The following PBX1 variants were observed in gnomAD, a reference collection of about 807,000 sequenced individuals.
PBX1 encodes the protein PBX homeobox 1, also known as pre-B-cell leukemia transcription factor 1.
Under a neutral mutation model 53.4 loss-of-function variants are expected in PBX1, and 6 were observed. That is an observed-to-expected ratio of 0.11 (90% confidence interval 0.06 to 0.22). PBX1 has a LOEUF of 0.22. PBX1 is among the 10% of genes least tolerant of loss of function. The probability of loss-of-function intolerance (pLI) is 1.00; values close to 1 mark genes in which losing one functional copy is unlikely to be tolerated. For synonymous variants in PBX1, 204 were observed against 212.3 expected, an observed-to-expected ratio of 0.96 and a Z score of 0.34; for missense variants, 251 against 551.4, an observed-to-expected ratio of 0.46 and a Z score of 5.46.
chr1:164,773,976 CCA>C (rs1223462381), intron 2 of PBX1, among the ~76,000 whole-genome samples: 1 of 152,150 alleles, frequency 6.6e-6, no homozygotes, highest in African/African-American at 2.4e-5. Context: ...AACGTGATAT[CCA>C]CTTTGAATTC....
chr1:164,862,553 G>A (rs1039686451), intron 2 of PBX1, among the ~76,000 whole-genome samples: 2 of 152,184 alleles, frequency 1.3e-5, no homozygotes, highest in South Asian at 2.1e-4. Context: ...AGGAGAAGAC[G>A]GAACAACTGC....
At chr1:164,747,950 A>G (rs573659137) in intron 2 of PBX1, among the ~76,000 whole-genome samples, 16 of 152,178 alleles carry the variant, frequency 1.1e-4, no homozygotes, top group Admixed American at 9.8e-4. Context: ...ACAAATCATG[A>G]GTATGCATCA....
chr1:164,849,349 C>T lies in PBX1; in HGVS notation c.*2673C>T, dbSNP rs557904479. ...TCTTCTCTATACCCAGCACCTCCCC[C>T]GGCACCCCCGGCAAGCCCACTATCA... On this transcript the variant is annotated 3_prime_UTR_variant, in exon 9 of 9. Transcript: ENST00000420696. 23 of 1,535,626 alleles carry T rather than the reference C, an allele frequency of 1.5e-5. No individual in the cohort carries two copies. The East Asian group carries it at 2.0e-4, about 13-fold the overall frequency.
chr1:164,670,926 A>C (rs377127858), intron 2 of PBX1, among the ~76,000 whole-genome samples: 27 of 152,294 alleles, frequency 1.8e-4, no homozygotes, highest in Middle Eastern at 3.4e-3. Flanking sequence ...AATGGAGAAA[A>C]TGCAGTTTCT....
At chr1:164,764,696 G>A (rs1216116693) in intron 2 of PBX1, among the ~76,000 whole-genome samples, 1 of 151,950 alleles carries the variant, frequency 6.6e-6, no homozygotes, top group South Asian at 2.1e-4. Flanking sequence ...TCTAGTTATA[G>A]CCCACCTACA....
chr1:164,635,984 G>T (rs1449180799), intron 2 of PBX1, among the ~76,000 whole-genome samples: 1 of 152,042 alleles, frequency 6.6e-6, no homozygotes, highest in Non-Finnish European at 1.5e-5. Flanking sequence ...AGGCTGGCTG[G>T]GTTCCTCCTT....
At chr1:164,852,004 A>G (rs1035967057), downstream of PBX1, among the ~76,000 whole-genome samples, 2 of 152,164 alleles carry the variant, frequency 1.3e-5, no homozygotes, top group Admixed American at 1.3e-4. Flanking sequence ...CTCAGGAAAT[A>G]AGAAGGAAGG....
chr1:164,768,013 T>C (rs1452367939), intron 2 of PBX1, among the ~76,000 whole-genome samples: 4 of 151,724 alleles, frequency 2.6e-5, no homozygotes, highest in Non-Finnish European at 4.4e-5. Flanking sequence ...TTTTTTTTTT[T>C]CCACATCAGT....
chr1:164,837,852 ACCCAAAAC>A (rs1671113867), intron 8 of PBX1, among the ~76,000 whole-genome samples: 1 of 152,210 alleles, frequency 6.6e-6, no homozygotes, highest in South Asian at 2.1e-4. Context: ...AAGCAACTCA[ACCCAAAAC>A]CTGGAAATGC....
intron 2 of PBX1, among the ~76,000 whole-genome samples, chr1:164,701,268 TTTC>T (rs931241922): frequency 2.7e-4 from 41 of 152,340 alleles, no homozygotes; most frequent in African/African-American, 9.4e-4. Flanking sequence ...TCTAAACCTT[TTTC>T]TTTTCTGTGT....
chr1:164,733,652 G>A (rs769116163), intron 2 of PBX1, among the ~76,000 whole-genome samples: 9 of 152,040 alleles, frequency 5.9e-5, no homozygotes, highest in Middle Eastern at 3.2e-3. Flanking sequence ...ACATAAGTAA[G>A]GCTATCTTCA....
intron 2 of PBX1, among the ~76,000 whole-genome samples, chr1:164,761,686 G>A (rs2635039): frequency 0.23 from 35,630 of 152,034 alleles, 5,111 homozygotes; most frequent in Middle Eastern, 0.4. Context: ...CTCATGATCC[G>A]CCCGTCTCGG....
intron 2 of PBX1, among the ~76,000 whole-genome samples, chr1:164,570,790 T>TC (rs770152291): frequency 1.3e-5 from 2 of 152,216 alleles, no homozygotes; most frequent in Non-Finnish European, 2.9e-5. Context: ...CACACTGTCT[T>TC]CCACAATGGT....
At chr1:164,698,208 G>A (rs971778426) in intron 2 of PBX1, among the ~76,000 whole-genome samples, 11 of 152,058 alleles carry the variant, frequency 7.2e-5, no homozygotes, top group African/African-American at 1.7e-4. Flanking sequence ...ACGGTCCCTC[G>A]GGTAGCAGTA....
intron 8 of PBX1, among the ~76,000 whole-genome samples, chr1:164,833,822 C>T (rs1195116767): frequency 6.6e-6 from 1 of 151,554 alleles, no homozygotes; most frequent in East Asian, 1.9e-4. Flanking sequence ...CTTGAACCCC[C>T]ACAAACATGT....
intron 2 of PBX1, among the ~76,000 whole-genome samples, chr1:164,609,696 G>T (rs544660734): frequency 6.6e-6 from 1 of 152,192 alleles, no homozygotes; most frequent in Non-Finnish European, 1.5e-5. Context: ...TTTCTGTTGC[G>T]CTTGGTAAGA....
intron 8 of PBX1, among the ~76,000 whole-genome samples, chr1:164,830,889 A>G (rs1308485652): frequency 6.6e-6 from 1 of 152,196 alleles, no homozygotes; most frequent in Non-Finnish European, 1.5e-5. Context: ...ATCAGATGCT[A>G]CAATTTAACG....
rs541721757 is a variant in PBX1 at position 164,627,726 on chromosome 1, C to CA, written c.265+64416dup. Among the ~76,000 whole-genome samples the CA allele has an allele frequency of 7.9e-5, 12 of 152,274 alleles. 1 individual carries two copies. The South Asian group carries it at 1.0e-3, about 13-fold the overall frequency. On this transcript the variant is annotated intron_variant, in intron 2 of 8. Coordinates refer to ENST00000420696, the MANE Select transcript of PBX1 (RefSeq NM_002585.4). ...GACAAGCATTTCTCTCTTTAAAAGC[C>CA]AGGCAGGCATTCATGGCTGTGCTTC...
At chr1:164,759,792 T>C (rs1666714011) in intron 2 of PBX1, among the ~76,000 whole-genome samples, 1 of 152,174 alleles carries the variant, frequency 6.6e-6, no homozygotes, top group South Asian at 2.1e-4. Context: ...AATTACTCTT[T>C]GGGGCACTCT....
Sources: allele counts gnomAD v4.1 joint callset (sites outside exome capture counted in the v4.1 genomes callset), GRCh38; gene constraint gnomAD v4.1.1; transcripts MANE v1.5; gene names NCBI Gene and HGNC (gene_info 2026-07-23, HGNC 2026-07-21).